The following NIPSNAP2 variants were observed in gnomAD, a reference collection of about 807,000 sequenced individuals.
NIPSNAP2 encodes protein NipSnap homolog 2.
In NIPSNAP2, 42 loss-of-function variants were observed where a neutral mutation model predicts 48.4. The ratio of observed to expected loss-of-function variants is 0.87; its 90% CI spans 0.68 to 1.12. The LOEUF (loss-of-function observed/expected upper bound fraction) is 1.12, where lower values mean the gene tolerates loss of function less well. Ranked by LOEUF, NIPSNAP2 falls within the 50% of genes most tolerant of loss-of-function variation. The pLI is 0.00. For synonymous variants in NIPSNAP2, 158 were observed against 126.6 expected (o/e 1.25, Z -1.67); for missense variants, 314 against 347.3 (o/e 0.90, Z 0.76).
chr7:55,989,051 T>A (rs144525209), intron 7 of NIPSNAP2, among the ~76,000 whole-genome samples: 84 of 152,144 alleles, frequency 5.5e-4, no homozygotes, highest in African/African-American at 2.0e-3. Context: ...TGTAAACACT[T>A]AAGTGACCAT....
At chr7:55,974,780 G>A (rs761538612) in intron 1 of NIPSNAP2, among the ~76,000 whole-genome samples, 5 of 151,388 alleles carry the variant, frequency 3.3e-5, no homozygotes, top group African/African-American at 4.9e-5. Context: ...CCTGGGAGGC[G>A]GAGCTTGCAG....
At chr7:55,967,615 C>T (rs13340526) in intron 1 of NIPSNAP2, among the ~76,000 whole-genome samples, 17,679 of 150,934 alleles carry the variant, frequency 0.12, 1,696 homozygotes, top group African/African-American at 0.26. Flanking sequence ...TACAGGCCCA[C>T]ACCACCATGC....
At chr7:55,994,253 G>C (rs1787509694) in intron 7 of NIPSNAP2, among the ~76,000 whole-genome samples, 1 of 152,158 alleles carries the variant, frequency 6.6e-6, no homozygotes, top group Admixed American at 6.6e-5. Flanking sequence ...TTTTTAAATT[G>C]ACGGGTCCCA....
chr7:55,982,131 G>A (rs1787228398), intron 4 of NIPSNAP2, 79 bp from the exon 5 acceptor site: 10 of 893,504 alleles, frequency 1.1e-5, no homozygotes, highest in South Asian at 7.1e-5. Flanking sequence ...CTGTGTTAAC[G>A]TTATACCTAT....
rs1459875356 is a variant in NIPSNAP2, at chr7:55,978,363, A to G, written c.246A>G (p.Lys82=). The change falls in exon 3 of 10, where the codon AAA becomes AAG. Residue 82 remains lysine (K), a synonymous_variant. Coordinates refer to ENST00000322090, the MANE Select transcript of NIPSNAP2 (RefSeq NM_001483.3). ...CTTTTGTTTCAGTTCACAATGTTAA[A>G]CCGGAATGCCTAGAAGCATACAACA... ...NLYKLQFHNV[K]PECLEAYNKI... is the part of the protein sequence containing the mutation. 1 of 1,613,552 alleles carries G rather than the reference A, an allele frequency of 6.2e-7. No individual in the cohort carries two copies. Among genetic ancestry groups the G allele is most frequent in the East Asian group, 2.2e-5 (1 of 44,860 alleles).
rs1156929471 is a variant in NIPSNAP2 at position 55,983,759 on chromosome 7, A to G, written c.476A>G (p.Asp159Gly). 1.9e-6 allele frequency: 3 copies of G among 1,614,020 alleles called. No homozygotes were observed. Among genetic ancestry groups the G allele is most frequent in the Non-Finnish European group, 2.5e-6 (3 of 1,180,008 alleles). The change falls in exon 6 of 10, where the codon GAC (aspartate) becomes GGC (glycine). Residue 159 changes from aspartate to glycine, a missense_variant. This residue lies in a region of NIPSNAP2 where 198 missense variants were observed against 185.5 expected (regional missense o/e 1.07). Transcript: ENST00000322090. ...EFLEFRKARSDMLLSRKNQLL... is the reference protein window; with the variant it reads ...EFLEFRKARSGMLLSRKNQLL... Reference sequence around the variant, plus strand: ...TTGGAATTTCGTAAGGCAAGAAGTGACATGCTTCTCTCCAGGAAGAATCAG... The same window carrying G: ...TTGGAATTTCGTAAGGCAAGAAGTGGCATGCTTCTCTCCAGGAAGAATCAG...
chr7:55,979,120 C>G (rs1261377428), intron 3 of NIPSNAP2: 1 of 152,216 alleles, frequency 6.6e-6, no homozygotes, highest in Non-Finnish European at 1.5e-5. Context: ...AATCAGCATA[C>G]TTTTTAGAAG....
chr7:55,965,705 C>G (rs929747853), intron 1 of NIPSNAP2, among the ~76,000 whole-genome samples: 1 of 152,108 alleles, frequency 6.6e-6, no homozygotes, highest in Non-Finnish European at 1.5e-5. Context: ...CTCATCCTCC[C>G]AAGTAGCTGG....
chr7:55,977,726 C>A (rs886890446), intron 1 of NIPSNAP2, among the ~76,000 whole-genome samples: 1 of 152,116 alleles, frequency 6.6e-6, no homozygotes, highest in East Asian at 1.9e-4. Flanking sequence ...ACATCACTAC[C>A]ATTCATCTTG....
chr7:55,981,170 ATAG>A (rs1230484969), intron 3 of NIPSNAP2: 3 of 175,720 alleles, frequency 1.7e-5, no homozygotes, highest in African/African-American at 7.1e-5. Flanking sequence ...CAAATGGAAA[ATAG>A]TAGACCCATA....
At chr7:55,981,595 A>G (rs1787218128) in intron 4 of NIPSNAP2, 28 bp downstream of exon 4, 1 of 1,482,194 alleles carries the variant, frequency 6.7e-7, no homozygotes, top group Non-Finnish European at 9.4e-7. Context: ...TGGAATAAAC[A>G]CTTCTTCCTT....
chr7:55,978,298 C>G (rs553250783), intron 2 of NIPSNAP2, 33 bp downstream of exon 2: 5 of 1,612,804 alleles, frequency 3.1e-6, no homozygotes, highest in Non-Finnish European at 4.2e-6. Context: ...TCATAGTTGA[C>G]TTTTTTTCCC....
chr7:55,978,063 CAGATT>C, intron 1 of NIPSNAP2, 58 bp from the exon 2 acceptor site: 1 of 1,576,816 alleles, frequency 6.3e-7, no homozygotes, highest in Non-Finnish European at 8.6e-7. Context: ...CTGTGTTTGC[CAGATT>C]AACTGATGGA....
At chr7:55,988,123 G>T (rs1461633058) in intron 7 of NIPSNAP2, among the ~76,000 whole-genome samples, 10 of 152,030 alleles carry the variant, frequency 6.6e-5, no homozygotes, top group Admixed American at 6.6e-4. Context: ...TTAACCAGGT[G>T]TGGTAGCACA....
At chr7:55,990,366 C>CT (rs376855315) in intron 7 of NIPSNAP2, among the ~76,000 whole-genome samples, 99 of 151,764 alleles carry the variant, frequency 6.5e-4, no homozygotes, top group African/African-American at 2.3e-3. Context: ...GTAGCTGGGA[C>CT]TACAGGCACC....
rs545893612 is a variant in NIPSNAP2 at position 55,984,849 on chromosome 7, A to G, written c.588A>G (p.Pro196=). The part of the protein sequence containing the change: ...IYELRSYQLR[P]GTMIEWGNYW... Reference sequence around the variant, plus strand: ...ACCAAATCTAAATCTGTTTTCAGCCAGGAACCATGATTGAATGGGGCAATT... The same window carrying G: ...ACCAAATCTAAATCTGTTTTCAGCCGGGAACCATGATTGAATGGGGCAATT... Residue 196 remains proline (P), a splice_region_variant and synonymous_variant, in exon 7 of 10, where the codon CCA becomes CCG. Transcript: ENST00000322090. 4.3e-6 allele frequency: 7 copies of G among 1,610,196 alleles called. No individual in the cohort carries two copies. Among genetic ancestry groups the G allele is most frequent in the African/African-American group, 4.0e-5 (3 of 74,772 alleles).
At chr7:55,991,087 G>A (rs540335320) in intron 7 of NIPSNAP2, among the ~76,000 whole-genome samples, 44 of 152,090 alleles carry the variant, frequency 2.9e-4, no homozygotes, top group Admixed American at 1.4e-3. Context: ...CACCGCGCTC[G>A]GCCCCAGTTT....
At position 55,999,703 on chromosome 7, in the gene NIPSNAP2, A is replaced by T. The variant is rs1167739365; in HGVS notation, c.*631A>T. The stretch of plus-strand genomic sequence containing the variant: ...ATGTATTGTGATGTTTCAATGTGAG[A>T]CACAAAAACAATGGCTTGAAACTTG... On this transcript the variant is annotated 3_prime_UTR_variant, in exon 10 of 10. Transcript: ENST00000322090. 6.6e-6 allele frequency: 1 copy of T among 152,370 alleles called. No individual in the cohort carries two copies. Among genetic ancestry groups the T allele is most frequent in the Non-Finnish European group, 1.5e-5 (1 of 68,048 alleles). The allele number at this position is 152,370 out of a possible 1,614,324, so 9.4% of individuals were successfully genotyped here. A position where few individuals can be genotyped will look rare whatever the true frequency, so the allele number is the denominator to read the frequency against.
chr7:55,994,768 C>A, intron 7 of NIPSNAP2, 126 bp from the exon 8 acceptor site: 1 of 740,788 alleles, frequency 1.3e-6, no homozygotes, highest in South Asian at 1.6e-5. Flanking sequence ...AACTTGATAC[C>A]AGTTTGATAA....
Sources: gnomAD v4.1 joint callset for allele counts (sites outside exome capture counted in the v4.1 genomes callset) on GRCh38, gnomAD v4.1.1 for gene constraint, gnomAD v4.1.1 regional missense constraint, MANE v1.5 for transcripts, NCBI Gene and HGNC (gene_info 2026-07-23, HGNC 2026-07-21) for gene names.